VAV2: variants seen among roughly 807,000 people sequenced by gnomAD.
The protein encoded by VAV2 is vav guanine nucleotide exchange factor 2, also known as guanine nucleotide exchange factor VAV2.
VAV2 carries 67 observed loss-of-function variants against 132.5 expected under a neutral mutation model. That is an observed-to-expected ratio of 0.51 (90% CI 0.42 to 0.62). The LOEUF is 0.62. Among genes scored for constraint, VAV2 ranks in the 20% least tolerant of loss-of-function variants. VAV2 has a pLI of 0.00. For missense variants in VAV2, 938 were observed against 1,153.6 expected, an observed-to-expected ratio of 0.81 and a Z score of 2.71; for synonymous variants, 492 against 443.5, an observed-to-expected ratio of 1.11 and a Z score of -1.37.
intron 4 of VAV2, among the ~76,000 whole-genome samples, chr9:133,817,010 A>G (rs1477405518): frequency 6.6e-6 from 1 of 152,142 alleles, no homozygotes; most frequent in African/African-American, 2.4e-5. Flanking sequence ...CGTCTTGTCA[A>G]TTTTTTTAAA....
At chr9:133,990,862 G>GT (rs1185596397) in intron 1 of VAV2, among the ~76,000 whole-genome samples, 5 of 152,224 alleles carry the variant, frequency 3.3e-5, no homozygotes, top group Non-Finnish European at 7.4e-5. Context: ...TGCTAAGCCG[G>GT]TCCAGGCAGT....
At chr9:133,818,901 T>A (rs1303650094) in intron 4 of VAV2, among the ~76,000 whole-genome samples, 1 of 152,092 alleles carries the variant, frequency 6.6e-6, no homozygotes, top group Non-Finnish European at 1.5e-5. Context: ...CTCACCATGA[T>A]GCCCAGCTAA....
intron 1 of VAV2, among the ~76,000 whole-genome samples, chr9:133,942,370 T>A (rs1312041436): frequency 6.6e-6 from 1 of 152,182 alleles, no homozygotes; most frequent in South Asian, 2.1e-4. Context: ...CCACACACAA[T>A]TGATTCAGGC....
chr9:133,777,524 G>A, intron 22 of VAV2, 61 bp from the exon 23 acceptor site: 2 of 1,530,356 alleles, frequency 1.3e-6, no homozygotes, highest in Non-Finnish European at 9.0e-7. Flanking sequence ...GGAGTGTGGG[G>A]CCATTTAGAC....
rs1588205994 is a variant in VAV2, at chr9:133,975,285, A to T, written c.204+16790T>A. Among the ~76,000 whole-genome samples, 4 of 152,102 alleles carry T rather than the reference A, an allele frequency of 2.6e-5. No homozygotes were observed. In the South Asian group the frequency reaches 8.3e-4, roughly 32 times the overall value. Reference sequence around the variant, plus strand: ...AAACCCATATCCTCGCTCAGTGCTCAGTGGGCCAAGCCTGTCACCCACAGC... The same window carrying T: ...AAACCCATATCCTCGCTCAGTGCTCTGTGGGCCAAGCCTGTCACCCACAGC... On this transcript the variant is annotated intron_variant, in intron 1 of 29. Coordinates refer to ENST00000371850, the MANE Select transcript of VAV2 (RefSeq NM_001134398.2).
chr9:133,764,211 T>TG, intron 29 of VAV2, 102 bp from the exon 30 acceptor site: 2 of 1,470,436 alleles, frequency 1.4e-6, no homozygotes, highest in Non-Finnish European at 1.9e-6. Flanking sequence ...CTCATGAAGA[T>TG]GGGGGGCCCT....
At chr9:133,875,052 G>A (rs191228882) in intron 2 of VAV2, among the ~76,000 whole-genome samples, 7 of 152,342 alleles carry the variant, frequency 4.6e-5, no homozygotes, top group East Asian at 1.9e-4. Flanking sequence ...GAATGAGGAC[G>A]GTCACCATAA....
In VAV2 at chr9:133,918,897, T is replaced by C. The variant is rs371899990; in HGVS notation, c.321+20206A>G. ...TTCAAGCGATTCCCCTACCTCAGCC[T>C]CCCAAGTAGCTGGGATTACAGGCGT... is the stretch of plus-strand genomic sequence containing the variant. On this transcript the variant is annotated intron_variant, in intron 2 of 29. Coordinates refer to ENST00000371850, the MANE Select transcript of VAV2 (RefSeq NM_001134398.2). The surrounding 1 kb of genome is among the most constrained non-coding windows in gnomAD (Gnocchi z 4.7). Among the ~76,000 whole-genome samples the C allele has an allele frequency of 1.1e-4, 16 of 152,134 alleles. No homozygotes were observed. Among genetic ancestry groups the C allele is most frequent in the African/African-American group, 3.9e-4 (16 of 41,498 alleles).
At chr9:133,906,085 C>T (rs190427061) in intron 2 of VAV2, among the ~76,000 whole-genome samples, 1 of 152,228 alleles carries the variant, frequency 6.6e-6, no homozygotes, top group Admixed American at 6.5e-5. Flanking sequence ...AACTGCCTGA[C>T]CCTTAGACCT....
At chr9:133,981,909 C>T (rs896256883) in intron 1 of VAV2, among the ~76,000 whole-genome samples, 1 of 152,234 alleles carries the variant, frequency 6.6e-6, no homozygotes, top group Non-Finnish European at 1.5e-5. Context: ...GGCGCTCAGC[C>T]CGCTTCCTGG....
intron 1 of VAV2, among the ~76,000 whole-genome samples, chr9:133,968,690 G>C (rs1842228031): frequency 6.6e-6 from 1 of 152,190 alleles, no homozygotes; most frequent in Non-Finnish European, 1.5e-5. Context: ...AGCCGGGAGA[G>C]AGAGCCACCA....
chr9:133,853,028 C>G (rs187681038), intron 3 of VAV2, among the ~76,000 whole-genome samples: 29 of 152,328 alleles, frequency 1.9e-4, no homozygotes, highest in Non-Finnish European at 4.0e-4. Context: ...CATAGTCACC[C>G]TATTCACAGA....
At chr9:133,773,972 T>C (rs1409074121) in intron 25 of VAV2, among the ~76,000 whole-genome samples, 2 of 152,144 alleles carry the variant, frequency 1.3e-5, no homozygotes, top group Non-Finnish European at 2.9e-5. Context: ...CATGGGAACA[T>C]TTCAGCTCCA....
In VAV2 at chr9:133,768,134, C is replaced by T. The variant is rs1288462235; in HGVS notation, c.2589+308G>A. On this transcript the variant is annotated intron_variant, in intron 29 of 29. Transcript: ENST00000371850. This position sits in a 1 kb window ranked among gnomAD's most constrained non-coding sequence, Gnocchi z 5.3. ...GGACTTGCAAGTAATTTGGCGAGTG[C>T]AGCTATGAGGGCAGCCCAGAATAAA... Among the ~76,000 whole-genome samples, 2 of 152,078 alleles carry T rather than the reference C, an allele frequency of 1.3e-5. No homozygotes were observed. The highest frequency in any genetic ancestry group is 2.9e-5 in the Non-Finnish European group (2 of 67,998).
Position 133,802,023 on chromosome 9 carries a change from C to T in VAV2, c.836+4058G>A, listed in dbSNP as rs117147371. ...AGCCAAGCCAGGTCACTCACACAGA[C>T]GCCTTCACCCTCCGTCCACACCACA... On this transcript the variant is annotated intron_variant, in intron 9 of 29. Transcript: ENST00000371850. This position sits in a 1 kb window ranked among gnomAD's most constrained non-coding sequence, Gnocchi z 5.8. Among the ~76,000 whole-genome samples the T allele has an allele frequency of 0.016, 2,503 of 152,156 alleles. 32 individuals are homozygous for T. The highest frequency in any genetic ancestry group is 0.038 in the South Asian group (182 of 4,814).
In VAV2 at chr9:133,882,394, C is replaced by T. The variant is rs561177536; in HGVS notation, c.322-20962G>A. ...CATCTGTACGGGGCTGGAGAGCATCCCCTACGGTTCATGTCCTTCCTGGAA... is the reference window on the plus strand; with the variant it reads ...CATCTGTACGGGGCTGGAGAGCATCTCCTACGGTTCATGTCCTTCCTGGAA... On this transcript the variant is annotated intron_variant, in intron 2 of 29. Transcript: ENST00000371850. 2.6e-5 allele frequency among the ~76,000 whole-genome samples: 4 copies of T among 152,316 alleles called. No homozygotes were observed. In the East Asian group the frequency reaches 5.8e-4, roughly 22 times the overall value.
At chr9:133,914,701 GGGAA>G (rs1839998622) in intron 2 of VAV2, among the ~76,000 whole-genome samples, 1 of 31,266 alleles carries the variant, frequency 3.2e-5, no homozygotes, top group Non-Finnish European at 6.8e-5. Flanking sequence ...GAAGCGGGAG[GGGAA>G]GGAGAGGGGA....
At chr9:133,774,279 C>A (rs7026404) in intron 25 of VAV2, among the ~76,000 whole-genome samples, 26,753 of 152,072 alleles carry the variant, frequency 0.18, 3,662 homozygotes, top group African/African-American at 0.39. Context: ...GTGCGCCCTA[C>A]CCCCAGCTCC....
chr9:133,868,989 C>T (rs1371333713), intron 2 of VAV2, among the ~76,000 whole-genome samples: 3 of 148,888 alleles, frequency 2.0e-5, no homozygotes, highest in Non-Finnish European at 4.4e-5. Flanking sequence ...GAGTCCCCAT[C>T]TATTTATTCT....
Sources: allele counts gnomAD v4.1 joint callset (sites outside exome capture counted in the v4.1 genomes callset), GRCh38; gene constraint gnomAD v4.1.1; non-coding constraint Gnocchi (gnomAD v3.1); transcripts MANE v1.5; gene names NCBI Gene and HGNC (gene_info 2026-07-23, HGNC 2026-07-21).